Variants in EPS8L2 observed in about 807,000 individuals in gnomAD.
EPS8L2 encodes the protein EPS8 signaling adaptor L2.
A neutral mutation model predicts 99.4 loss-of-function variants in EPS8L2; 81 were observed. The observed-to-expected ratio is 0.82, with a 90% CI of 0.68 to 0.98. EPS8L2 has a LOEUF of 0.98. Ranked by LOEUF, EPS8L2 falls within the 50% of genes least tolerant of loss-of-function variation. EPS8L2 has a pLI of 0.00. For missense variants in EPS8L2, 1,155 were observed against 968.8 expected (o/e 1.19, Z -2.55); for synonymous variants, 509 against 407.3 (o/e 1.25, Z -3.01).
At chr11:721,724 A>AGGGGAC in intron 10 of EPS8L2, 33 bp downstream of exon 10, 1 of 1,273,140 alleles carries the variant, frequency 7.9e-7, no homozygotes, top group South Asian at 1.2e-5. Context: ...CGGCAGGTGC[A>AGGGGAC]GGGGACGGGG....
chr11:711,436 C>T (rs1229173458), intron 4 of EPS8L2, among the ~76,000 whole-genome samples: 1 of 152,112 alleles, frequency 6.6e-6, no homozygotes, highest in African/African-American at 2.4e-5. Flanking sequence ...GCCTCCGCCT[C>T]CTGGACTCAA....
intron 4 of EPS8L2, 21 bp downstream of exon 4, chr11:710,507 A>C (rs1201548373): frequency 1.9e-5 from 30 of 1,610,212 alleles, no homozygotes; most frequent in South Asian, 9.9e-5. Context: ...GCCCCCAGGT[A>C]GGCTCCGCCC....
Position 721,587 on chromosome 11 carries a change from A to T in EPS8L2, c.791A>T (p.Asp264Val). The T allele has an allele frequency of 6.4e-7, 1 of 1,568,144 alleles. No homozygotes were observed. Among genetic ancestry groups the T allele is most frequent in the Non-Finnish European group, 8.6e-7 (1 of 1,161,376 alleles). The change falls in exon 10 of 21, where the codon GAC becomes GTC. Residue 264 changes from aspartate to valine, a missense_variant. Coordinates refer to ENST00000318562, the MANE Select transcript of EPS8L2 (RefSeq NM_022772.4). ...CAGCAAATCCTCAACTGCGCCCTGG[A>T]CGACATCGAGTGGTTTGTGGCCCGG... ...KETQILNCAL[D>V]DIEWFVARLQ...
chr11:718,565 A>G (rs1862076326), intron 4 of EPS8L2, among the ~76,000 whole-genome samples: 1 of 151,408 alleles, frequency 6.6e-6, no homozygotes, highest in Non-Finnish European at 1.5e-5. Context: ...GTTCACTGCA[A>G]CTTTGACCTC....
chr11:716,451 T>G (rs1378717229), intron 4 of EPS8L2, among the ~76,000 whole-genome samples: 1 of 152,152 alleles, frequency 6.6e-6, no homozygotes, highest in Non-Finnish European at 1.5e-5. Context: ...AGACAAGAGT[T>G]TTGCCATGTT....
chr11:722,913 C>A, intron 14 of EPS8L2, 108 bp downstream of exon 14: 1 of 653,570 alleles, frequency 1.5e-6, no homozygotes, highest in Non-Finnish European at 2.5e-6. Context: ...CCCCCCCCAG[C>A]CCTGACACCC....
intron 18 of EPS8L2, 23 bp from the exon 19 acceptor site, chr11:726,281 G>A: frequency 6.3e-7 from 1 of 1,592,306 alleles, no homozygotes; most frequent in Non-Finnish European, 8.5e-7. Context: ...GCAGCGGCGG[G>A]CCTGAGTCGC....
chr11:706,236 G>A lies in EPS8L2; in HGVS notation c.-131G>A, dbSNP rs1358529306. 6.6e-6 allele frequency: 1 copy of A among 152,004 alleles called. No individual in the cohort carries two copies. Among genetic ancestry groups the A allele is most frequent in the Non-Finnish European group, 1.5e-5 (1 of 67,960 alleles). The allele number at this position is 152,004 out of a possible 1,614,324, so 9.4% of individuals were successfully genotyped here. On this transcript the variant is annotated 5_prime_UTR_variant, in exon 1 of 21. Coordinates refer to ENST00000318562, the MANE Select transcript of EPS8L2 (RefSeq NM_022772.4). ...GCCCCGGCCGAGGCGCGAACAGACG[G>A]ACGCACCGGCGAGCGCCGAGGGGAC...
At chr11:713,540 C>T (rs910372030) in intron 4 of EPS8L2, among the ~76,000 whole-genome samples, 5 of 152,154 alleles carry the variant, frequency 3.3e-5, no homozygotes, top group Non-Finnish European at 7.4e-5. Context: ...CGCCACCACG[C>T]CTGGCTAAAT....
At position 721,289 on chromosome 11, in the gene EPS8L2, C is replaced by T. The variant is rs1472710515; in HGVS notation, c.705C>T (p.Phe235=). The T allele has an allele frequency of 1.9e-6, 3 of 1,540,422 alleles. No homozygotes were observed. Among genetic ancestry groups the T allele is most frequent in the East Asian group, 2.4e-5 (1 of 40,886 alleles). The part of the protein sequence containing the change: ...GPQVPLSEPG[F]RRRESQEEPR... ...AGCCGCCGTGTCCCCCATCAGGTTT[C>T]CGCCGTCGGGAGTCGCAGGAGGAGC... Residue 235 remains phenylalanine (F), a synonymous_variant, in exon 9 of 21, where the codon TTC becomes TTT. Transcript: ENST00000318562.
At chr11:720,980 C>CCGGCAG in intron 7 of EPS8L2, 71 bp downstream of exon 7, 1 of 1,434,494 alleles carries the variant, frequency 7.0e-7, no homozygotes, top group Non-Finnish European at 9.3e-7. Flanking sequence ...GGGGAGGAGC[C>CCGGCAG]GGCAGGGGAG....
intron 4 of EPS8L2, among the ~76,000 whole-genome samples, chr11:712,184 G>A (rs761115516): frequency 3.3e-5 from 5 of 151,764 alleles, no homozygotes; most frequent in Non-Finnish European, 4.4e-5. Context: ...TACTTGGGAA[G>A]CTGAGACAGG....
intron 7 of EPS8L2, 59 bp from the exon 8 acceptor site, chr11:721,005 A>AGGGGAGGAGCCCGGCAGGGGAG: frequency 1.4e-6 from 2 of 1,397,716 alleles, no homozygotes; most frequent in Non-Finnish European, 1.9e-6. Context: ...GGAGCCCGGC[A>AGGGGAGGAGCCCGGCAGGGGAG]GGGAGGGAGG....
At chr11:720,020 A>G (rs1487812922) in intron 4 of EPS8L2, 42 bp from the exon 5 acceptor site, 16 of 1,572,958 alleles carry the variant, frequency 1.0e-5, no homozygotes, top group Non-Finnish European at 1.2e-5. Context: ...CTTTCGACAC[A>G]AGGAGGGCTC....
intron 17 of EPS8L2, 87 bp downstream of exon 17, chr11:725,934 C>A: frequency 7.2e-7 from 1 of 1,381,144 alleles, no homozygotes; most frequent in Non-Finnish European, 9.4e-7. Context: ...AGGCCAGCCC[C>A]GCGGCTGGAG....
Position 726,913 on chromosome 11 carries a change from G to C in EPS8L2, c.2080G>C (p.Gly694Arg). The C allele has an allele frequency of 6.2e-7, 1 of 1,613,134 alleles. No homozygotes were observed. The highest frequency in any genetic ancestry group is 8.5e-7 in the Non-Finnish European group (1 of 1,179,816). Residue 694 changes from glycine (G) to arginine (R), a missense_variant, in exon 21 of 21, where the codon GGG (glycine) becomes CGG (arginine). Coordinates refer to ENST00000318562, the MANE Select transcript of EPS8L2 (RefSeq NM_022772.4). Reference protein sequence around the residue: ...QKAFLEKQQSGSELEELMNKF... With the variant: ...QKAFLEKQQSRSELEELMNKF... ...TTCTCCTCCCTAGAAGCAGCAAAGT[G>C]GGTCGGAGCTGGAAGAACTCATGAA...
At chr11:714,621 T>A (rs1861970633) in intron 4 of EPS8L2, among the ~76,000 whole-genome samples, 1 of 149,042 alleles carries the variant, frequency 6.7e-6, no homozygotes, top group Non-Finnish European at 1.5e-5. Context: ...TTATTTTATT[T>A]ATTTTTTTAT....
chr11:709,407 C>T lies in EPS8L2; in HGVS notation c.-1C>T. ...TCCCGCTGGCCGCCACCCAAGACAC[C>T]ATGAGCCAGTCCGGGGCCGTGAGCT... On this transcript the variant is annotated 5_prime_UTR_variant, in exon 2 of 21. Transcript: ENST00000318562. 2 of 1,585,564 alleles carry T rather than the reference C, an allele frequency of 1.3e-6. No homozygotes were observed. Among genetic ancestry groups the T allele is most frequent in the Non-Finnish European group, 8.6e-7 (1 of 1,167,502 alleles).
At chr11:721,715 GGCAGGTGCAGGGGACGGGGCCA>G (rs201616905) in intron 10 of EPS8L2, 24 bp downstream of exon 10, 165,488 of 1,595,514 alleles carry the variant, frequency 0.1, 10,405 homozygotes, top group African/African-American at 0.28. Flanking sequence ...GGACGGGGCC[GGCAGGTGCAGGGGACGGGGCCA>G]GCAGGTGCAG....
Sources: allele counts gnomAD v4.1 joint callset (sites outside exome capture counted in the v4.1 genomes callset), GRCh38; gene constraint gnomAD v4.1.1; transcripts MANE v1.5; gene names NCBI Gene and HGNC (gene_info 2026-07-23, HGNC 2026-07-21).